Variants in SEL1L3 observed in about 807,000 individuals in gnomAD.
SEL1L3 encodes SEL1L family member 3.
In SEL1L3, 76 loss-of-function variants were observed where a neutral mutation model predicts 142.8. The observed-to-expected ratio is 0.53, with a 90% CI of 0.44 to 0.64. The LOEUF is 0.64. Ranked by LOEUF, SEL1L3 falls within the 30% of genes least tolerant of loss-of-function variation. The probability of loss-of-function intolerance (pLI) is 0.00; values close to 1 mark genes in which losing one functional copy is unlikely to be tolerated. For synonymous variants in SEL1L3, 504 were observed against 519.6 expected, an observed-to-expected ratio of 0.97 and a Z score of 0.41; for missense variants, 1,262 against 1,381.7, an observed-to-expected ratio of 0.91 and a Z score of 1.37.
chr4:25,811,942 G>A (rs1305200037), intron 9 of SEL1L3, among the ~76,000 whole-genome samples: 7 of 152,122 alleles, frequency 4.6e-5, no homozygotes, highest in African/African-American at 7.2e-5. Flanking sequence ...ATATGGACCC[G>A]GAGGATAGGT....
chr4:25,802,504 T>C, intron 10 of SEL1L3, 42 bp from the exon 11 acceptor site: 2 of 1,537,622 alleles, frequency 1.3e-6, no homozygotes, highest in Middle Eastern at 1.7e-4. Flanking sequence ...AGATTGTAGA[T>C]AGGGTCATAA....
the SEL1L3 span, among the ~76,000 whole-genome samples, chr4:25,734,631 T>C: frequency 4.9e-4 from 74 of 152,250 alleles, no homozygotes; most frequent in Non-Finnish European, 8.2e-4. Flanking sequence ...TGTAGTGGCC[T>C]GATCTCGGCT....
chr4:25,715,810 A>AT, the SEL1L3 span, among the ~76,000 whole-genome samples: 1 of 152,184 alleles, frequency 6.6e-6, no homozygotes. Context: ...AGGAAGAAAA[A>AT]AAAACCCAAG....
the SEL1L3 span, among the ~76,000 whole-genome samples, chr4:25,717,433 A>T: frequency 1.3e-5 from 2 of 152,194 alleles, no homozygotes; most frequent in Non-Finnish European, 2.9e-5. Context: ...TGGAAGGCTG[A>T]GGCAAGTGGA....
intron 17 of SEL1L3, among the ~76,000 whole-genome samples, chr4:25,768,154 G>C (rs1718889730): frequency 6.6e-6 from 1 of 152,136 alleles, no homozygotes; most frequent in African/African-American, 2.4e-5. Context: ...TCCTCGCTTA[G>C]AGGAGATAAA....
At chr4:25,818,885 A>C (rs1222178904) in intron 8 of SEL1L3, among the ~76,000 whole-genome samples, 1 of 152,040 alleles carries the variant, frequency 6.6e-6, no homozygotes, top group Admixed American at 6.6e-5. Context: ...TTCCACACTC[A>C]CCTGTCACCA....
intron 2 of SEL1L3, among the ~76,000 whole-genome samples, chr4:25,839,523 A>G (rs1362000327): frequency 1.3e-5 from 2 of 152,230 alleles, no homozygotes; most frequent in Non-Finnish European, 2.9e-5. Context: ...GGTCGGCAGC[A>G]TGTCCTGGTA....
At chr4:25,753,422 T>C (rs1462157298) in intron 23 of SEL1L3, among the ~76,000 whole-genome samples, 2 of 152,242 alleles carry the variant, frequency 1.3e-5, no homozygotes, top group African/African-American at 4.8e-5. Context: ...TCCTCTTTTT[T>C]ACAGTCAGTC....
intron 1 of SEL1L3, among the ~76,000 whole-genome samples, chr4:25,849,693 T>A (rs1212642143): frequency 6.6e-6 from 1 of 152,210 alleles, no homozygotes; most frequent in Non-Finnish European, 1.5e-5. Flanking sequence ...AATGCTTGCA[T>A]ATTTTTACCA....
intron 3 of SEL1L3, among the ~76,000 whole-genome samples, chr4:25,833,856 CTA>C (rs1484832956): frequency 1.3e-5 from 2 of 152,036 alleles, no homozygotes; most frequent in African/African-American, 4.8e-5. Flanking sequence ...CACATGCCTG[CTA>C]TTTGAATTCT....
At chr4:25,749,577 C>T (rs892402528) in intron 23 of SEL1L3, among the ~76,000 whole-genome samples, 1 of 152,168 alleles carries the variant, frequency 6.6e-6, no homozygotes, top group Admixed American at 6.5e-5. Flanking sequence ...TTAAAGTGGC[C>T]TCTTTGTCTC....
chr4:25,788,448 A>G lies in SEL1L3; in HGVS notation c.2077-84T>C, dbSNP rs921821172. The G allele has an allele frequency of 5.7e-6, 8 of 1,410,204 alleles. No homozygotes were observed. The East Asian group carries it at 1.8e-4, about 33-fold the overall frequency. 87.4% of individuals were successfully genotyped at this position (1,410,204 alleles called of 1,614,324 possible). On this transcript the variant is annotated intron_variant, in intron 12 of 23. Transcript: ENST00000399878. This position sits in a 1 kb window ranked among gnomAD's most constrained non-coding sequence, Gnocchi z 5.3. ...TTTTGAAAGGTGGGAGAGCAAACCT[A>G]CTTTACGATGTTTTAGATTGAGAAC... is the stretch of plus-strand genomic sequence containing the variant.
chr4:25,785,381 T>G (rs1308586844), intron 13 of SEL1L3, among the ~76,000 whole-genome samples: 2 of 152,314 alleles, frequency 1.3e-5, no homozygotes, highest in Non-Finnish European at 2.9e-5. Flanking sequence ...GGGGGCAGAA[T>G]TTGAATCCAG....
chr4:25,740,653 C>T, the SEL1L3 span, among the ~76,000 whole-genome samples: 1 of 152,154 alleles, frequency 6.6e-6, no homozygotes, highest in Non-Finnish European at 1.5e-5. Flanking sequence ...AGTGGGCTTT[C>T]TGACCCCTAA....
Position 25,804,596 on chromosome 4 carries a change from T to G in SEL1L3, c.1721A>C (p.Tyr574Ser). 7 of 1,613,848 alleles carry G rather than the reference T, an allele frequency of 4.3e-6. No individual in the cohort carries two copies. Among genetic ancestry groups the G allele is most frequent in the Non-Finnish European group, 5.9e-6 (7 of 1,179,818 alleles). ...SSCCGYHKASYYLAVFYETGL... is the reference protein window; with the variant it reads ...SSCCGYHKASSYLAVFYETGL... The stretch of plus-strand genomic sequence containing the variant: ...AGTCTCATAAAAGACTGCAAGGTAG[T>G]AGGATGCTTTATGGTATCCACAGCA... The change falls in exon 10 of 24, where the codon TAC becomes TCC. Residue 574 changes from tyrosine (Y) to serine (S), a missense_variant. Tyr to Ser is a moderately radical substitution (Grantham distance 144, BLOSUM62 -2). Around this residue, in one of 3 missense-constraint regions of SEL1L3, gnomAD observed 435 missense variants for 559.2 expected, o/e 0.78. Coordinates refer to ENST00000399878, the MANE Select transcript of SEL1L3 (RefSeq NM_015187.5).
intron 19 of SEL1L3, among the ~76,000 whole-genome samples, chr4:25,765,653 A>T (rs1474678964): frequency 6.6e-6 from 1 of 151,634 alleles, no homozygotes; most frequent in Non-Finnish European, 1.5e-5. Context: ...TTTTTTTCTA[A>T]ATTTTTTGCG....
At chr4:25,846,288 C>T (rs1255951726) in intron 2 of SEL1L3, among the ~76,000 whole-genome samples, 1 of 152,202 alleles carries the variant, frequency 6.6e-6, no homozygotes, top group Non-Finnish European at 1.5e-5. Context: ...GGGATTGGTC[C>T]TGCTGAGGCT....
At chr4:25,773,262 C>A (rs1011880698) in intron 17 of SEL1L3, 7 of 152,084 alleles carry the variant, frequency 4.6e-5, no homozygotes, top group African/African-American at 1.7e-4. Flanking sequence ...GGGCAAGGGG[C>A]AGATCAACAA....
chr4:25,728,797 C>T, the SEL1L3 span, among the ~76,000 whole-genome samples: 70 of 149,734 alleles, frequency 4.7e-4, 1 homozygote, highest in African/African-American at 1.5e-3. Flanking sequence ...TGCTTGAGCC[C>T]GGGAGGCAGA....
Sources: gnomAD v4.1 joint callset for allele counts (sites outside exome capture counted in the v4.1 genomes callset) on GRCh38, gnomAD v4.1.1 for gene constraint, gnomAD v4.1.1 regional missense constraint, Gnocchi (gnomAD v3.1) non-coding constraint, MANE v1.5 for transcripts, NCBI Gene and HGNC (gene_info 2026-07-23, HGNC 2026-07-21) for gene names.